The following MAP4K3 variants were observed in gnomAD, a reference collection of about 807,000 sequenced individuals.
The protein encoded by MAP4K3 is mitogen-activated protein kinase kinase kinase kinase 3.
Under a neutral mutation model 143.5 loss-of-function variants are expected in MAP4K3, and 94 were observed. That is an observed-to-expected ratio of 0.65 (90% CI 0.55 to 0.78). The LOEUF (loss-of-function observed/expected upper bound fraction) is 0.78. Among genes scored for constraint, MAP4K3 ranks in the 30% least tolerant of loss-of-function variants. The pLI is 0.00. For missense variants in MAP4K3, 1,077 were observed against 1,068.1 expected, an observed-to-expected ratio of 1.01 and a Z score of -0.12; for synonymous variants, 416 against 347.2, an observed-to-expected ratio of 1.20 and a Z score of -2.20.
intron 2 of MAP4K3, among the ~76,000 whole-genome samples, chr2:39,364,481 G>A (rs1327833813): frequency 6.6e-6 from 1 of 152,222 alleles, no homozygotes; most frequent in Non-Finnish European, 1.5e-5. Context: ...TGAATGACCA[G>A]TGGTCTGTAA....
At chr2:39,298,258 A>ACAAATAGT (rs1682362561) in intron 16 of MAP4K3, among the ~76,000 whole-genome samples, 1 of 152,152 alleles carries the variant, frequency 6.6e-6, no homozygotes, top group South Asian at 2.1e-4. Context: ...TTTATAAATC[A>ACAAATAGT]CAAATAGTCA....
At chr2:39,385,741 A>C (rs1471088639) in intron 1 of MAP4K3, among the ~76,000 whole-genome samples, 1 of 150,302 alleles carries the variant, frequency 6.7e-6, no homozygotes, top group African/African-American at 2.5e-5. Context: ...GCGATTCTCC[A>C]GCCTCAGCCT....
At chr2:39,317,674 T>C (rs943856616) in intron 12 of MAP4K3, among the ~76,000 whole-genome samples, 1 of 152,104 alleles carries the variant, frequency 6.6e-6, no homozygotes, top group Non-Finnish European at 1.5e-5. Context: ...TCACTAATCA[T>C]TGGAGAAACA....
chr2:39,383,722 A>G (rs1456968505), intron 1 of MAP4K3, among the ~76,000 whole-genome samples: 1 of 152,116 alleles, frequency 6.6e-6, no homozygotes, highest in Admixed American at 6.5e-5. Flanking sequence ...ATATACCAAT[A>G]AACCCTGAGC....
intron 1 of MAP4K3, among the ~76,000 whole-genome samples, chr2:39,425,047 T>C (rs1214588821): frequency 6.6e-6 from 1 of 152,072 alleles, no homozygotes; most frequent in Non-Finnish European, 1.5e-5. Context: ...CTCATGAGGT[T>C]ACTGGAAGAA....
At chr2:39,318,914 C>T (rs1014688330) in intron 12 of MAP4K3, among the ~76,000 whole-genome samples, 10 of 152,148 alleles carry the variant, frequency 6.6e-5, no homozygotes, top group Non-Finnish European at 1.2e-4. Context: ...TCCTAGTTGA[C>T]ATAAGCCAGT....
intron 1 of MAP4K3, among the ~76,000 whole-genome samples, chr2:39,404,617 C>CTT (rs1174319224): frequency 3.6e-4 from 31 of 86,110 alleles, no homozygotes; most frequent in African/African-American, 6.1e-4. Flanking sequence ...TTCTTTCTTT[C>CTT]TTTTTTTTTT....
intron 2 of MAP4K3, among the ~76,000 whole-genome samples, chr2:39,367,182 TACTG>T (rs1191968006): frequency 6.6e-6 from 1 of 152,238 alleles, no homozygotes; most frequent in African/African-American, 2.4e-5. Context: ...CATACATTGT[TACTG>T]AATGGCCTTT....
intron 24 of MAP4K3, among the ~76,000 whole-genome samples, chr2:39,273,666 T>G (rs6726356): frequency 0.084 from 12,765 of 152,218 alleles, 1,802 homozygotes; most frequent in African/African-American, 0.29. Context: ...AAGTAACATT[T>G]TAATAAAAAT....
intron 2 of MAP4K3, among the ~76,000 whole-genome samples, chr2:39,360,597 C>A (rs1034944896): frequency 6.6e-6 from 1 of 152,130 alleles, no homozygotes; most frequent in Non-Finnish European, 1.5e-5. Context: ...CTAATAAAGA[C>A]CTACCAAAGA....
chr2:39,384,814 T>C (rs1666452574), intron 1 of MAP4K3, among the ~76,000 whole-genome samples: 1 of 152,222 alleles, frequency 6.6e-6, no homozygotes, highest in Non-Finnish European at 1.5e-5. Context: ...ACAGTTCTAG[T>C]AATTTTAACA....
At chr2:39,414,573 T>C (rs1238010413) in intron 1 of MAP4K3, among the ~76,000 whole-genome samples, 3 of 152,126 alleles carry the variant, frequency 2.0e-5, no homozygotes, top group Non-Finnish European at 4.4e-5. Flanking sequence ...CTCAATTCTC[T>C]TAAGAGTATG....
intron 17 of MAP4K3, among the ~76,000 whole-genome samples, 160 bp downstream of exon 17, chr2:39,293,070 T>A (rs749123735): frequency 6.6e-6 from 1 of 151,942 alleles, no homozygotes; most frequent in African/African-American, 2.4e-5. Context: ...TGAGCTATGA[T>A]CATACCACTG....
chr2:39,361,235 T>C (rs1046099338), intron 2 of MAP4K3, among the ~76,000 whole-genome samples: 2 of 151,978 alleles, frequency 1.3e-5, no homozygotes, highest in South Asian at 2.1e-4. Context: ...TTATATCACG[T>C]TTTATGTAAT....
intron 28 of MAP4K3, among the ~76,000 whole-genome samples, chr2:39,262,203 C>T (rs756460996): frequency 2.0e-5 from 3 of 152,068 alleles, no homozygotes; most frequent in Admixed American, 6.6e-5. Flanking sequence ...AAAGGTGCAA[C>T]GGGGGATATC....
intron 29 of MAP4K3, among the ~76,000 whole-genome samples, chr2:39,260,374 C>T (rs1680518412): frequency 6.6e-6 from 1 of 152,100 alleles, no homozygotes; most frequent in South Asian, 2.1e-4. Context: ...CCTTGGCCTC[C>T]CAAAGTACTG....
At chr2:39,352,699 A>C (rs547320118) in intron 3 of MAP4K3, among the ~76,000 whole-genome samples, 1 of 152,160 alleles carries the variant, frequency 6.6e-6, no homozygotes, top group Non-Finnish European at 1.5e-5. Flanking sequence ...TGCTTTATAG[A>C]AGCTCAGTTT....
At chr2:39,420,102 G>A (rs1667505437) in intron 1 of MAP4K3, among the ~76,000 whole-genome samples, 1 of 152,178 alleles carries the variant, frequency 6.6e-6, no homozygotes, top group African/African-American at 2.4e-5. Flanking sequence ...GAGATTCTAA[G>A]TCACCTATTC....
At chr2:39,277,610 G>A (rs1271551919) in intron 24 of MAP4K3, among the ~76,000 whole-genome samples, 1 of 151,950 alleles carries the variant, frequency 6.6e-6, no homozygotes. Flanking sequence ...TGTTGCCCAG[G>A]CTGGAGTGCA....
Sources: gnomAD v4.1 joint callset for allele counts (sites outside exome capture counted in the v4.1 genomes callset) on GRCh38, gnomAD v4.1.1 for gene constraint, MANE v1.5 for transcripts, NCBI Gene and HGNC (gene_info 2026-07-23, HGNC 2026-07-21) for gene names.